ALAS1: variants seen among roughly 807,000 people sequenced by gnomAD.
ALAS1 encodes 5'-aminolevulinate synthase 1.
Under a neutral mutation model 59.6 loss-of-function variants are expected in ALAS1, and 29 were observed. That is an observed-to-expected ratio of 0.49 (90% CI 0.36 to 0.66). The LOEUF is 0.66. ALAS1 is among the 30% of genes least tolerant of loss of function. The pLI is 0.00. For synonymous variants in ALAS1, 299 were observed against 296.6 expected (o/e 1.01, Z -0.08); for missense variants, 690 against 807.5 (o/e 0.85, Z 1.76).
chr3:52,212,525 C>A (rs763479689), intron 11 of ALAS1, 105 bp downstream of exon 11: 2 of 1,442,858 alleles, frequency 1.4e-6, no homozygotes, highest in East Asian at 4.6e-5. Context: ...TTTGTTTCTT[C>A]TTCTTTTTTT....
chr3:52,198,400 GATCTTTTGCCTAGA>G (rs1300824091), intron 1 of ALAS1, 145 bp downstream of exon 1: 3 of 436,398 alleles, frequency 6.9e-6, no homozygotes, highest in Non-Finnish European at 1.2e-5. Flanking sequence ...TTATCCTCCA[GATCTTTTGCCTAGA>G]CGGCCGCCTC....
intron 8 of ALAS1, among the ~76,000 whole-genome samples, chr3:52,207,814 T>A (rs1699325208): frequency 6.6e-6 from 1 of 152,204 alleles, no homozygotes; most frequent in Non-Finnish European, 1.5e-5. Flanking sequence ...GGTCTCATTC[T>A]TTTTTTATTG....
intron 1 of ALAS1, 149 bp from the exon 2 acceptor site, chr3:52,198,523 G>A (rs911282899): frequency 4.2e-6 from 2 of 473,258 alleles, no homozygotes; most frequent in East Asian, 3.3e-5. Flanking sequence ...GACCTCGACC[G>A]CGGGTCACCT....
intron 3 of ALAS1, among the ~76,000 whole-genome samples, chr3:52,200,330 C>G (rs1485716882): frequency 1.3e-5 from 2 of 152,190 alleles, no homozygotes; most frequent in African/African-American, 4.8e-5. Context: ...CTCTCCATTC[C>G]TCTCTCCCCA....
Position 52,208,164 on chromosome 3 carries a change from T to C in ALAS1, c.1247T>C (p.Val416Ala). 1 of 1,613,520 alleles carries C rather than the reference T, an allele frequency of 6.2e-7. No individual in the cohort carries two copies. ...AITFVDEVHA[V>A]GLYGARGGGI... ...ACCTTCGTGGATGAGGTCCACGCAG[T>C]GGGGCTTTATGGGGCTCGAGGCGGA... The change falls in exon 9 of 12, where the codon GTG (valine) becomes GCG (alanine). Residue 416 changes from valine to alanine, a missense_variant. Val to Ala is a moderately conservative substitution (Grantham distance 64, BLOSUM62 0). Transcript: ENST00000484952.
In ALAS1 at chr3:52,212,299, A is replaced by C; in HGVS notation, c.1641A>C (p.Leu547=). 6.2e-7 allele frequency: 1 copy of C among 1,614,098 alleles called. No homozygotes were observed. The highest frequency in any genetic ancestry group is 8.5e-7 in the Non-Finnish European group (1 of 1,180,002). ...AAKNTEVCDE[L]MSRHNIYVQA... ...AAAACACAGAAGTCTGTGATGAACT[A>C]ATGAGCAGACATAACATCTACGTGC... Residue 547 remains leucine (L), a synonymous_variant, in exon 11 of 12, where the codon CTA becomes CTC. Transcript: ENST00000484952.
rs757700214 is a variant in ALAS1 at position 52,202,590 on chromosome 3, C to T, written c.283C>T (p.His95Tyr). Reference protein sequence around the residue: ...SPDGTQLPSGHPLPATSQGTA... With the variant: ...SPDGTQLPSGYPLPATSQGTA... The stretch of plus-strand genomic sequence containing the variant: ...AGATGGCACACAGCTTCCGTCTGGA[C>T]ACCCCTTGCCTGCCACAAGCCAGGG... Residue 95 changes from histidine (H) to tyrosine (Y), a missense_variant, in exon 4 of 12, where the codon CAC becomes TAC. Physicochemically the swap from His to Tyr is moderately conservative, Grantham distance 83 (BLOSUM62 2). Transcript: ENST00000484952. The T allele has an allele frequency of 6.2e-6, 10 of 1,614,104 alleles. No individual in the cohort carries two copies. Among genetic ancestry groups the T allele is most frequent in the Admixed American group, 3.3e-5 (2 of 60,014 alleles).
chr3:52,208,823 A>T (rs1224950587), intron 9 of ALAS1, among the ~76,000 whole-genome samples: 1 of 152,212 alleles, frequency 6.6e-6, no homozygotes, highest in African/African-American at 2.4e-5. Context: ...GGAGAAAACA[A>T]TAGGACCTAA....
chr3:52,204,970 G>A (rs1388410021), intron 6 of ALAS1, 55 bp downstream of exon 6: 20 of 1,462,188 alleles, frequency 1.4e-5, no homozygotes, highest in Non-Finnish European at 1.7e-5. Flanking sequence ...AGCCAATGAT[G>A]ATGTATAGGG....
chr3:52,210,995 A>G (rs1162994144), intron 9 of ALAS1, among the ~76,000 whole-genome samples: 1 of 152,170 alleles, frequency 6.6e-6, no homozygotes, highest in Non-Finnish European at 1.5e-5. Flanking sequence ...ATGTTACTGT[A>G]TTGGATACTG....
chr3:52,210,638 C>T (rs1331946353), intron 9 of ALAS1, among the ~76,000 whole-genome samples: 2 of 151,976 alleles, frequency 1.3e-5, no homozygotes, highest in African/African-American at 4.8e-5. Context: ...AAAAATCAGC[C>T]AGGCATGGTG....
intron 10 of ALAS1, 82 bp from the exon 11 acceptor site, chr3:52,212,176 G>A: frequency 7.6e-7 from 1 of 1,322,044 alleles, no homozygotes; most frequent in South Asian, 1.3e-5. Flanking sequence ...CCTGAGCGTT[G>A]TGGGGACTGC....
At chr3:52,207,953 G>T in intron 8 of ALAS1, 130 bp from the exon 9 acceptor site, 1 of 1,017,842 alleles carries the variant, frequency 9.8e-7, no homozygotes, top group Non-Finnish European at 1.4e-6. Context: ...GAAATTAGAG[G>T]AAGTTCATTT....
intron 3 of ALAS1, among the ~76,000 whole-genome samples, chr3:52,200,444 C>G (rs1577960715): frequency 6.6e-6 from 1 of 152,092 alleles, no homozygotes; most frequent in African/African-American, 2.4e-5. Flanking sequence ...TTTTTAAAAA[C>G]AAATTTATCT....
rs199715564 is a variant in ALAS1 at position 52,206,676 on chromosome 3, C to T, written c.1090C>T (p.Leu364Phe). 115 of 1,614,096 alleles carry T rather than the reference C, an allele frequency of 7.1e-5. No individual in the cohort carries two copies. The Middle Eastern group carries it at 1.3e-3, about 18-fold the overall frequency. ...YIFRHNDVSHLRELLQRSDPS... is the reference protein window; with the variant it reads ...YIFRHNDVSHFRELLQRSDPS... The stretch of plus-strand genomic sequence containing the variant: ...CTTCCGCCACAATGATGTCAGCCAC[C>T]TCAGAGAACTGCTGCAAAGATCTGA... Residue 364 changes from leucine to phenylalanine, a missense_variant, in exon 8 of 12, where the codon CTC (leucine) becomes TTC (phenylalanine). Coordinates refer to ENST00000484952, the MANE Select transcript of ALAS1 (RefSeq NM_000688.6).
chr3:52,213,502 C>G (rs1276629780), intron 11 of ALAS1, among the ~76,000 whole-genome samples: 1 of 152,098 alleles, frequency 6.6e-6, no homozygotes, highest in African/African-American at 2.4e-5. Flanking sequence ...GCTCACTTAC[C>G]ATAAAATTCA....
Position 52,199,452 on chromosome 3 carries a change from T to A in ALAS1, c.199+12T>A. The A allele has an allele frequency of 6.2e-7, 1 of 1,610,988 alleles. No homozygotes were observed. The highest frequency in any genetic ancestry group is 8.5e-7 in the Non-Finnish European group (1 of 1,177,908). ...TCCGGCCAGTGAGAGTAAGTGTCAT[T>A]GACAATGAAGGAGCAGGTATGGGTG... On this transcript the variant is annotated intron_variant, in intron 3 of 11. Coordinates refer to ENST00000484952, the MANE Select transcript of ALAS1 (RefSeq NM_000688.6).
chr3:52,200,273 C>T (rs906665859), intron 3 of ALAS1, among the ~76,000 whole-genome samples: 10 of 152,106 alleles, frequency 6.6e-5, no homozygotes, highest in Non-Finnish European at 1.5e-4. Flanking sequence ...ATCTCCAGAA[C>T]TTTTTTCATC....
In ALAS1 at chr3:52,199,423, C is replaced by T. The variant is rs1333791555; in HGVS notation, c.182C>T (p.Thr61Ile). The change falls in exon 3 of 12, where the codon ACC becomes ATC. Residue 61 changes from threonine to isoleucine, a missense_variant. Coordinates refer to ENST00000484952, the MANE Select transcript of ALAS1 (RefSeq NM_000688.6). ...GTACACTACCAACAGATCAAAGAAA[C>T]CCCTCCGGCCAGTGAGAGTAAGTGT... ...AAVHYQQIKE[T>I]PPASEKDKTA... 1 of 1,613,964 alleles carries T rather than the reference C, an allele frequency of 6.2e-7. No homozygotes were observed. The highest frequency in any genetic ancestry group is 1.1e-5 in the South Asian group (1 of 91,082).
Sources: allele counts gnomAD v4.1 joint callset (sites outside exome capture counted in the v4.1 genomes callset), GRCh38; gene constraint gnomAD v4.1.1; transcripts MANE v1.5; gene names NCBI Gene and HGNC (gene_info 2026-07-23, HGNC 2026-07-21).